Variants in ERBB4 observed in about 807,000 individuals in gnomAD.
ERBB4 encodes the protein receptor tyrosine-protein kinase erbB-4.
Under a neutral mutation model 158.0 loss-of-function variants are expected in ERBB4, and 42 were observed. That is an observed-to-expected ratio of 0.27 (90% CI 0.21 to 0.34). The LOEUF (loss-of-function observed/expected upper bound fraction) is 0.34. Ranked by LOEUF, ERBB4 falls within the 10% of genes least tolerant of loss-of-function variation. The pLI, the probability that ERBB4 is intolerant of heterozygous loss-of-function variation, is 1.00. For missense variants in ERBB4, 1,333 were observed against 1,624.1 expected, an observed-to-expected ratio of 0.82 and a Z score of 3.08; for synonymous variants, 583 against 558.7, an observed-to-expected ratio of 1.04 and a Z score of -0.61.
At chr2:211,465,190 G>C (rs1400668811) in intron 20 of ERBB4, among the ~76,000 whole-genome samples, 1 of 151,950 alleles carries the variant, frequency 6.6e-6, no homozygotes, top group Non-Finnish European at 1.5e-5. Context: ...AAATAGGCTT[G>C]AGCTAGACTA....
At chr2:211,996,942 A>C (rs1006929725) in intron 2 of ERBB4, among the ~76,000 whole-genome samples, 5 of 152,188 alleles carry the variant, frequency 3.3e-5, no homozygotes, top group African/African-American at 1.2e-4. Flanking sequence ...TGTTGCTGAC[A>C]ATTACTCTTG....
intron 4 of ERBB4, among the ~76,000 whole-genome samples, chr2:211,751,150 T>C (rs1034114875): frequency 6.6e-6 from 1 of 152,190 alleles, no homozygotes; most frequent in Non-Finnish European, 1.5e-5. Flanking sequence ...CAAGAATATA[T>C]TTTTACAAAC....
intron 1 of ERBB4, among the ~76,000 whole-genome samples, chr2:212,522,174 C>A (rs1692206198): frequency 6.6e-6 from 1 of 151,738 alleles, no homozygotes; most frequent in Non-Finnish European, 1.5e-5. Flanking sequence ...GCCACCTGCA[C>A]AAGTGTGGCC....
intron 1 of ERBB4, among the ~76,000 whole-genome samples, chr2:212,130,605 C>G (rs896678888): frequency 1.3e-5 from 2 of 152,092 alleles, no homozygotes; most frequent in African/African-American, 4.8e-5. Context: ...AATCAGCACT[C>G]TATTTGCTTA....
At chr2:212,419,396 C>G (rs2091739627) in intron 1 of ERBB4, among the ~76,000 whole-genome samples, 1 of 151,670 alleles carries the variant, frequency 6.6e-6, no homozygotes, top group South Asian at 2.1e-4. Flanking sequence ...TATGTGGGTT[C>G]CAATAGACTG....
chr2:211,426,522 T>C (rs2063631104), intron 22 of ERBB4, among the ~76,000 whole-genome samples: 1 of 152,102 alleles, frequency 6.6e-6, no homozygotes, highest in Admixed American at 6.5e-5. Context: ...CCTATCTATT[T>C]ATTTATTTTT....
chr2:211,513,389 A>G (rs898900232), intron 20 of ERBB4, among the ~76,000 whole-genome samples: 18 of 147,162 alleles, frequency 1.2e-4, no homozygotes, highest in Non-Finnish European at 2.4e-4. Context: ...AAAAAAAAAC[A>G]CTGATCCTAG....
At chr2:211,860,231 C>G (rs907759524) in intron 3 of ERBB4, among the ~76,000 whole-genome samples, 2 of 152,114 alleles carry the variant, frequency 1.3e-5, no homozygotes, top group Non-Finnish European at 2.9e-5. Flanking sequence ...ACAAGATTTG[C>G]CTTTCACTCT....
chr2:212,378,811 T>C (rs1478517644), intron 1 of ERBB4, among the ~76,000 whole-genome samples: 1 of 151,850 alleles, frequency 6.6e-6, no homozygotes, highest in Non-Finnish European at 1.5e-5. Flanking sequence ...TAACAATTTA[T>C]AAACTTCTGC....
intron 1 of ERBB4, among the ~76,000 whole-genome samples, chr2:212,253,149 CA>C (rs976522707): frequency 1.3e-5 from 2 of 152,046 alleles, no homozygotes; most frequent in Non-Finnish European, 2.9e-5. Context: ...TAGCAGTCGC[CA>C]AAGTGATACC....
At chr2:211,558,613 T>C (rs1366085034) in intron 20 of ERBB4, among the ~76,000 whole-genome samples, 3 of 152,138 alleles carry the variant, frequency 2.0e-5, no homozygotes, top group Admixed American at 6.5e-5. Context: ...GAAAAAAATA[T>C]AGTAATTATT....
chr2:211,536,195 A>C (rs1466311897), intron 20 of ERBB4, among the ~76,000 whole-genome samples: 1 of 152,142 alleles, frequency 6.6e-6, no homozygotes, highest in African/African-American at 2.4e-5. Flanking sequence ...TCGATAATTA[A>C]AAATTTTTCA....
chr2:211,727,157 T>C (rs1200086770), intron 5 of ERBB4, among the ~76,000 whole-genome samples: 1 of 152,146 alleles, frequency 6.6e-6, no homozygotes, highest in Non-Finnish European at 1.5e-5. Flanking sequence ...ATCCAAAATA[T>C]ATCCACGTTA....
At chr2:212,374,483 AACGATGTGTGTGTGT>A (rs1335640389) in intron 1 of ERBB4, among the ~76,000 whole-genome samples, 1 of 152,016 alleles carries the variant, frequency 6.6e-6, no homozygotes, top group African/African-American at 2.4e-5. Context: ...CATAAAAGCA[AACGATGTGTGTGTGT>A]GTACACCACA....
chr2:211,971,189 G>A (rs2081442240), intron 2 of ERBB4, among the ~76,000 whole-genome samples: 1 of 152,152 alleles, frequency 6.6e-6, no homozygotes, highest in Admixed American at 6.5e-5. Flanking sequence ...ATTTAAGAAT[G>A]CTGAATGTTG....
chr2:211,786,537 A>C (rs2106315079), intron 4 of ERBB4, among the ~76,000 whole-genome samples: 1 of 152,358 alleles, frequency 6.6e-6, no homozygotes, highest in African/African-American at 2.4e-5. Context: ...AGGCACAACC[A>C]TCCAAATTTG....
chr2:212,122,838 T>A (rs1368441166), intron 2 of ERBB4, among the ~76,000 whole-genome samples: 2 of 152,032 alleles, frequency 1.3e-5, no homozygotes, highest in Non-Finnish European at 2.9e-5. Flanking sequence ...TTTACAATAG[T>A]CACAACTATT....
intron 5 of ERBB4, among the ~76,000 whole-genome samples, chr2:211,748,196 AT>A (rs1462467403): frequency 6.6e-6 from 1 of 152,050 alleles, no homozygotes; most frequent in Non-Finnish European, 1.5e-5. Context: ...TATACACTGC[AT>A]TTTGTAATCT....
intron 3 of ERBB4, among the ~76,000 whole-genome samples, chr2:211,810,562 C>G (rs1452843377): frequency 2.0e-5 from 3 of 151,478 alleles, no homozygotes; most frequent in Non-Finnish European, 4.4e-5. Context: ...TCCTCCGTCC[C>G]TTTATTTTGA....
Sources: gnomAD v4.1 joint callset for allele counts (sites outside exome capture counted in the v4.1 genomes callset) on GRCh38, gnomAD v4.1.1 for gene constraint, MANE v1.5 for transcripts, NCBI Gene and HGNC (gene_info 2026-07-23, HGNC 2026-07-21) for gene names.